The following HDAC4 variants were observed in gnomAD, a reference collection of about 807,000 sequenced individuals.
HDAC4 encodes the protein histone deacetylase A.
HDAC4 carries 16 observed loss-of-function variants against 135.1 expected under a neutral mutation model. The observed-to-expected ratio is 0.12, with a 90% confidence interval of 0.08 to 0.18. HDAC4 has a LOEUF of 0.18. Among genes scored for constraint, HDAC4 ranks in the 10% least tolerant of loss-of-function variants. HDAC4 has a pLI of 1.00. For synonymous variants in HDAC4, 685 were observed against 653.4 expected (o/e 1.05, Z -0.74); for missense variants, 1,143 against 1,511.8 (o/e 0.76, Z 4.05).
chr2:239,283,016 CACAATGTACACACCACTCTACAA>C (rs1346137906), intron 2 of HDAC4, among the ~76,000 whole-genome samples: 3 of 151,642 alleles, frequency 2.0e-5, no homozygotes. Context: ...CCACTCTACA[CACAATGTACACACCACTCTACAA>C]ACAATGTACA....
chr2:239,149,644 A>G (rs1395974685), intron 7 of HDAC4, among the ~76,000 whole-genome samples: 1 of 152,186 alleles, frequency 6.6e-6, no homozygotes, highest in Non-Finnish European at 1.5e-5. Context: ...GAGCCTGCTC[A>G]GGGCAGCCCC....
intron 22 of HDAC4, among the ~76,000 whole-genome samples, chr2:239,075,481 G>T (rs2034650627): frequency 6.6e-6 from 1 of 152,174 alleles, no homozygotes; most frequent in African/African-American, 2.4e-5. Flanking sequence ...TTTAGAGAAG[G>T]TGGACAAATG....
chr2:239,111,491 T>C, intron 14 of HDAC4, 35 bp downstream of exon 14: 2 of 1,590,268 alleles, frequency 1.3e-6, no homozygotes, highest in Non-Finnish European at 1.7e-6. Flanking sequence ...GTGGCCCGCG[T>C]TGCACCCTCA....
intron 2 of HDAC4, among the ~76,000 whole-genome samples, chr2:239,248,328 C>T (rs1215958073): frequency 1.3e-5 from 2 of 151,950 alleles, no homozygotes; most frequent in Non-Finnish European, 2.9e-5. Flanking sequence ...CTACAGGCGC[C>T]GGCCACCACG....
chr2:239,172,309 T>C (rs56386764), intron 5 of HDAC4, among the ~76,000 whole-genome samples: 12,926 of 141,638 alleles, frequency 0.091, 715 homozygotes, highest in East Asian at 0.22. Context: ...TATATATATA[T>C]ATATATATAT....
chr2:239,277,171 GC>G (rs1424464865), intron 2 of HDAC4, among the ~76,000 whole-genome samples: 1 of 152,258 alleles, frequency 6.6e-6, no homozygotes, highest in Non-Finnish European at 1.5e-5. Flanking sequence ...CCCGAGGTTA[GC>G]AGAAGGATCA....
chr2:239,134,143 G>A, intron 11 of HDAC4, 102 bp downstream of exon 11: 1 of 867,266 alleles, frequency 1.2e-6, no homozygotes. Flanking sequence ...GGGTGGGACA[G>A]GCGTGCATTC....
intron 1 of HDAC4, among the ~76,000 whole-genome samples, chr2:239,377,545 C>A (rs546229584): frequency 4.2e-4 from 64 of 152,348 alleles, no homozygotes; most frequent in African/African-American, 1.5e-3. Flanking sequence ...ATGGAGGGAG[C>A]ACGAGATTCT....
chr2:239,205,188 T>C (rs776082876), intron 3 of HDAC4, among the ~76,000 whole-genome samples: 3 of 152,106 alleles, frequency 2.0e-5, no homozygotes, highest in Non-Finnish European at 2.9e-5. Flanking sequence ...GTCAGAACTC[T>C]GGAGAGGCAA....
intron 1 of HDAC4, among the ~76,000 whole-genome samples, chr2:239,378,131 G>A (rs890301186): frequency 6.6e-6 from 1 of 152,128 alleles, no homozygotes; most frequent in East Asian, 1.9e-4. Context: ...TCAGCCTGGG[G>A]ACATGCCCTG....
Position 239,359,651 on chromosome 2 carries a change from G to T in HDAC4, c.-219-6733C>A, listed in dbSNP as rs186365314. Among the ~76,000 whole-genome samples, 6 of 152,288 alleles carry T rather than the reference G, an allele frequency of 3.9e-5. No individual in the cohort carries two copies. In the East Asian group the frequency reaches 1.2e-3, roughly 29 times the overall value. On this transcript the variant is annotated intron_variant, in intron 1 of 26. Transcript: ENST00000543185. ...CCACTCGGTCACATACTCAGCCTTC[G>T]GGTCACCTTTTCAGCCAGAAATGGT...
chr2:239,192,102 T>C (rs2045007398), intron 3 of HDAC4, among the ~76,000 whole-genome samples: 1 of 152,196 alleles, frequency 6.6e-6, no homozygotes. Context: ...TGCTATTATG[T>C]GAGAAGAATC....
In HDAC4 at chr2:239,167,997, G is replaced by A. The variant is rs62190775; in HGVS notation, c.491-4074C>T. On this transcript the variant is annotated intron_variant, in intron 5 of 26. Transcript: ENST00000543185. The surrounding 1 kb of genome is among the most constrained non-coding windows in gnomAD (Gnocchi z 4.1). Reference sequence around the variant, plus strand: ...GTGGGGAGGGACGGCTGTGTTCGGGGAGGGACGGCTGTGCTCCCGGAGGGC... The same window carrying A: ...GTGGGGAGGGACGGCTGTGTTCGGGAAGGGACGGCTGTGCTCCCGGAGGGC... Among the ~76,000 whole-genome samples the A allele has an allele frequency of 2.0e-5, 3 of 152,174 alleles. No individual in the cohort carries two copies. The highest frequency in any genetic ancestry group is 2.9e-5 in the Non-Finnish European group (2 of 68,040).
rs186958461 is a variant in HDAC4, at chr2:239,274,540, A to G, written c.23-37876T>C. ...CTAGGAAACTAGGACAACAGCTACC[A>G]TTCAACAGCTAATTCAACAACAATA... On this transcript the variant is annotated intron_variant, in intron 2 of 26. Coordinates refer to ENST00000543185, the MANE Select transcript of HDAC4 (RefSeq NM_001378414.1). Among the ~76,000 whole-genome samples, 15 of 152,364 alleles carry G rather than the reference A, an allele frequency of 9.8e-5. No individual in the cohort carries two copies. The East Asian group carries it at 2.9e-3, about 29-fold the overall frequency.
Position 239,050,243 on chromosome 2 carries a change from A to C in HDAC4, c.*2854T>G, listed in dbSNP as rs193228439. On this transcript the variant is annotated 3_prime_UTR_variant, in exon 27 of 27. Transcript: ENST00000543185. Reference sequence around the variant, plus strand: ...TCTCCATTTGAATGAGATTAGAATTAAGTCCCCCCACTGATAACCTGGCCA... The same window carrying C: ...TCTCCATTTGAATGAGATTAGAATTCAGTCCCCCCACTGATAACCTGGCCA... 5 of 152,218 alleles carry C rather than the reference A, an allele frequency of 3.3e-5. No homozygotes were observed. Among genetic ancestry groups the C allele is most frequent in the Admixed American group, 6.5e-5 (1 of 15,270 alleles). The allele number at this position is 152,218 out of a possible 1,614,324, so 9.4% of individuals were successfully genotyped here.
chr2:239,073,516 AAC>A (rs1413858164), intron 22 of HDAC4, among the ~76,000 whole-genome samples: 1 of 152,250 alleles, frequency 6.6e-6, no homozygotes, highest in African/African-American at 2.4e-5. Context: ...GTGCTCTGAT[AAC>A]ACTGTGCCAA....
intron 1 of HDAC4, among the ~76,000 whole-genome samples, chr2:239,365,051 T>C (rs1694101133): frequency 6.6e-6 from 1 of 152,254 alleles, no homozygotes; most frequent in Admixed American, 6.5e-5. Context: ...ATTAAATGAT[T>C]AATTTAATTT....
intron 16 of HDAC4, among the ~76,000 whole-genome samples, chr2:239,096,679 C>T (rs2037120046): frequency 4.2e-5 from 3 of 70,728 alleles, no homozygotes; most frequent in Admixed American, 1.5e-4. Flanking sequence ...CCCATGGACG[C>T]CAGCACCCCC....
At chr2:239,201,647 A>C (rs1424957795) in intron 3 of HDAC4, among the ~76,000 whole-genome samples, 2 of 152,176 alleles carry the variant, frequency 1.3e-5, no homozygotes, top group Admixed American at 1.3e-4. Flanking sequence ...CCAGAGGCAC[A>C]GCCAGGCCCC....
Sources: gnomAD v4.1 joint callset for allele counts (sites outside exome capture counted in the v4.1 genomes callset) on GRCh38, gnomAD v4.1.1 for gene constraint, Gnocchi (gnomAD v3.1) non-coding constraint, MANE v1.5 for transcripts, NCBI Gene and HGNC (gene_info 2026-07-23, HGNC 2026-07-21) for gene names.